The following C3orf18 variants were observed in gnomAD, a reference collection of about 807,000 sequenced individuals.
C3orf18 encodes the protein chromosome 3 open reading frame 18.
Under a neutral mutation model 14.1 loss-of-function variants are expected in C3orf18, and 12 were observed. The observed-to-expected ratio is 0.85, with a 90% CI of 0.55 to 1.38. The LOEUF (loss-of-function observed/expected upper bound fraction) is 1.38. C3orf18 is among the 40% of genes most tolerant of loss of function. C3orf18 has a pLI of 0.00. For missense variants in C3orf18, 196 were observed against 213.9 expected, an observed-to-expected ratio of 0.92 and a Z score of 0.52; for synonymous variants, 82 against 87.9, an observed-to-expected ratio of 0.93 and a Z score of 0.38.
rs573271860 is a variant in C3orf18, at chr3:50,567,490, T to C, written c.-279A>G. 8 of 152,316 alleles carry C rather than the reference T, an allele frequency of 5.3e-5. No individual in the cohort carries two copies. The highest frequency in any genetic ancestry group is 3.9e-4 in the East Asian group (2 of 5,162). The allele number at this position is 152,316 out of a possible 1,614,324, so 9.4% of individuals were successfully genotyped here. ...AATCCTCTCCCGGCGCCGAGCTCAG[T>C]TGGAGAGGCTAGGGGTGGTAGTGAC... On this transcript the variant is annotated 5_prime_UTR_variant, in exon 1 of 6. Transcript: ENST00000357203.
rs1044593697 is a variant in C3orf18, at chr3:50,559,546, T to C, written c.*111A>G. 52 of 1,442,176 alleles carry C rather than the reference T, an allele frequency of 3.6e-5. No homozygotes were observed. Among genetic ancestry groups the C allele is most frequent in the Non-Finnish European group, 4.7e-5 (51 of 1,092,494 alleles). 89.3% of individuals were successfully genotyped at this position (1,442,176 alleles called of 1,614,324 possible). On this transcript the variant is annotated 3_prime_UTR_variant, in exon 6 of 6. Coordinates refer to ENST00000357203, the MANE Select transcript of C3orf18 (RefSeq NM_016210.5). ...CAGCTAGGACCTGGCTCAGCCCTCT[T>C]GTGTCTTGGCAGGGAAGATCTTCAG...
At chr3:50,572,199 A>G (rs1701066215), upstream of C3orf18, 1 of 1,613,440 alleles carries the variant, frequency 6.2e-7, no homozygotes, top group African/African-American at 1.3e-5. Context: ...TTCCTCGGCC[A>G]GAAACAGAGG....
At position 50,559,119 on chromosome 3, in the gene C3orf18, C is replaced by T. The variant is rs1462723441; in HGVS notation, c.*538G>A. On this transcript the variant is annotated 3_prime_UTR_variant, in exon 6 of 6. Coordinates refer to ENST00000357203, the MANE Select transcript of C3orf18 (RefSeq NM_016210.5). ...TGTGAATTGCCCTTCTCCTGGCATC[C>T]TTGCATACTGGACAGTTTCAGCTCC... is the stretch of plus-strand genomic sequence containing the variant. The T allele has an allele frequency of 3.9e-6, 5 of 1,289,738 alleles. No individual in the cohort carries two copies. In the Admixed American group the frequency reaches 6.9e-5, roughly 18 times the overall value. The allele number at this position is 1,289,738 out of a possible 1,614,324, so 79.9% of individuals were successfully genotyped here.
upstream of C3orf18, among the ~76,000 whole-genome samples, chr3:50,573,913 C>T (rs759023684): frequency 4.6e-5 from 7 of 152,208 alleles, no homozygotes; most frequent in Non-Finnish European, 8.8e-5. Flanking sequence ...GAACCATTCT[C>T]ACCCAGCCTG....
chr3:50,558,736 C>T lies in C3orf18; in HGVS notation c.*921G>A, dbSNP rs1023773866. 6.9e-5 allele frequency: 89 copies of T among 1,289,676 alleles called. No individual in the cohort carries two copies. Among genetic ancestry groups the T allele is most frequent in the Non-Finnish European group, 8.3e-5 (82 of 988,862 alleles). The allele number at this position is 1,289,676 out of a possible 1,614,324, so 79.9% of individuals were successfully genotyped here. ...GAAACAATGCAGTGGAGAGAGGAAC[C>T]GTGCTGTGCGTGCTTCCCTCTTCCC... On this transcript the variant is annotated 3_prime_UTR_variant, in exon 6 of 6. Coordinates refer to ENST00000357203, the MANE Select transcript of C3orf18 (RefSeq NM_016210.5).
chr3:50,568,911 G>T (rs1700578805), upstream of C3orf18, among the ~76,000 whole-genome samples: 1 of 152,300 alleles, frequency 6.6e-6, no homozygotes, highest in Admixed American at 6.5e-5. Context: ...ATAGAGTCAA[G>T]ATTCGAATCG....
At position 50,565,440 on chromosome 3, in the gene C3orf18, C is replaced by T. The variant is rs780870818; in HGVS notation, c.234+26G>A. The T allele has an allele frequency of 3.9e-6, 6 of 1,527,740 alleles. No individual in the cohort carries two copies. Among genetic ancestry groups the T allele is most frequent in the Non-Finnish European group, 5.4e-6 (6 of 1,103,278 alleles). 94.6% of individuals were successfully genotyped at this position (1,527,740 alleles called of 1,614,324 possible). On this transcript the variant is annotated intron_variant, in intron 3 of 5. Coordinates refer to ENST00000357203, the MANE Select transcript of C3orf18 (RefSeq NM_016210.5). This position sits in a 1 kb window ranked among gnomAD's most constrained non-coding sequence, Gnocchi z 4.4. Reference sequence around the variant, plus strand: ...TCTATAAATCTAAACACTGATTATCCTCCCCCAGCCTACCCCAGCTCTCAC... The same window carrying T: ...TCTATAAATCTAAACACTGATTATCTTCCCCCAGCCTACCCCAGCTCTCAC...
upstream of C3orf18, among the ~76,000 whole-genome samples, chr3:50,574,409 C>T (rs1185530366): frequency 1.3e-5 from 2 of 152,176 alleles, no homozygotes; most frequent in Non-Finnish European, 2.9e-5. Context: ...AACAAGAGGC[C>T]ACTAGTGGTG....
chr3:50,560,814 G>T, intron 5 of C3orf18, 103 bp downstream of exon 5: 3 of 1,291,314 alleles, frequency 2.3e-6, no homozygotes, highest in South Asian at 1.5e-5. Flanking sequence ...CCTGCCATCT[G>T]ACCACAAGGC....
upstream of C3orf18, among the ~76,000 whole-genome samples, chr3:50,573,221 A>G (rs1345079352): frequency 6.6e-6 from 1 of 152,104 alleles, no homozygotes; most frequent in African/African-American, 2.4e-5. Context: ...GGAAGGGAGC[A>G]TGGGGGCAGC....
upstream of C3orf18, chr3:50,571,958 A>T (rs1701024131): frequency 1.2e-6 from 1 of 804,524 alleles, no homozygotes; most frequent in Non-Finnish European, 1.5e-6. Context: ...ACTGAATAGG[A>T]AGAAGGGAGG....
upstream of C3orf18, chr3:50,572,266 G>A (rs1701084902): frequency 1.9e-6 from 3 of 1,572,870 alleles, no homozygotes; most frequent in African/African-American, 1.4e-5. Flanking sequence ...CAGGGCACCA[G>A]TCTTACCCCA....
chr3:50,565,293 A>C lies in C3orf18; in HGVS notation c.234+173T>G. 1 of 602,702 alleles carries C rather than the reference A, an allele frequency of 1.7e-6. No homozygotes were observed. The allele number at this position is 602,702 out of a possible 1,614,324, so 37.3% of individuals were successfully genotyped here. A position where few individuals can be genotyped will look rare whatever the true frequency, so the allele number is the denominator to read the frequency against. On this transcript the variant is annotated intron_variant, in intron 3 of 5. Coordinates refer to ENST00000357203, the MANE Select transcript of C3orf18 (RefSeq NM_016210.5). This position sits in a 1 kb window ranked among gnomAD's most constrained non-coding sequence, Gnocchi z 4.4. Reference sequence around the variant, plus strand: ...GAGGCAGGAGACTCGATTAAGCCCCAGAGGTGGAGGTTGCAGTGAGCTGAG... The same window carrying C: ...GAGGCAGGAGACTCGATTAAGCCCCCGAGGTGGAGGTTGCAGTGAGCTGAG...
At chr3:50,571,401 T>C, upstream of C3orf18, 1 of 1,222,804 alleles carries the variant, frequency 8.2e-7, no homozygotes, top group Non-Finnish European at 1.2e-6. Context: ...GATATCCAGG[T>C]TTTCTGTTCA....
chr3:50,568,977 C>T (rs1470881859), upstream of C3orf18, among the ~76,000 whole-genome samples: 1 of 152,198 alleles, frequency 6.6e-6, no homozygotes, highest in Non-Finnish European at 1.5e-5. Context: ...CTGGTGGGCT[C>T]GGGCCACTGA....
At chr3:50,571,577 GC>G, upstream of C3orf18, 1 of 868,324 alleles carries the variant, frequency 1.2e-6, no homozygotes, top group Admixed American at 1.8e-5. Context: ...GCAGGATGCT[GC>G]CCCCTCTGGG....
upstream of C3orf18, among the ~76,000 whole-genome samples, chr3:50,568,737 A>G (rs75800279): frequency 0.03 from 4,575 of 151,258 alleles, 561 homozygotes; most frequent in East Asian, 0.22. Context: ...AAAAAAAAAA[A>G]AAAAAAAAAG....
upstream of C3orf18, chr3:50,572,042 G>A (rs375977948): frequency 9.6e-5 from 153 of 1,599,616 alleles, no homozygotes; most frequent in Non-Finnish European, 1.1e-4. Flanking sequence ...GCCACAAGTG[G>A]TATCTCAACC....
chr3:50,569,799 C>G (rs1700701590), upstream of C3orf18: 1 of 152,262 alleles, frequency 6.6e-6, no homozygotes, highest in South Asian at 2.1e-4. Flanking sequence ...CTTCTGGAGT[C>G]TGGTGGACTC....
Sources: gnomAD v4.1 joint callset for allele counts (sites outside exome capture counted in the v4.1 genomes callset) on GRCh38, gnomAD v4.1.1 for gene constraint, Gnocchi (gnomAD v3.1) non-coding constraint, MANE v1.5 for transcripts, NCBI Gene and HGNC (gene_info 2026-07-23, HGNC 2026-07-21) for gene names.